Variants in WFDC9 observed in about 807,000 individuals in gnomAD.
WFDC9 encodes the protein WAP four-disulfide core domain 9.
A neutral mutation model predicts 9.5 loss-of-function variants in WFDC9; 9 were observed. The ratio of observed to expected loss-of-function variants is 0.95; its 90% CI spans 0.57 to 1.65. The LOEUF is 1.65. Among genes scored for constraint, WFDC9 ranks in the 40% most tolerant of loss-of-function variants. The pLI is 0.00. For synonymous variants in WFDC9, 33 were observed against 32.3 expected, an observed-to-expected ratio of 1.02 and a Z score of -0.07; for missense variants, 87 against 106.7, an observed-to-expected ratio of 0.82 and a Z score of 0.81.
chr20:45,624,283 C>T (rs896751993), intron 1 of WFDC9, among the ~76,000 whole-genome samples: 5 of 152,144 alleles, frequency 3.3e-5, no homozygotes, highest in African/African-American at 9.7e-5. Flanking sequence ...TCCATGAGGT[C>T]GACTTTTCTC....
intron 1 of WFDC9, among the ~76,000 whole-genome samples, chr20:45,623,666 T>C (rs1404578509): frequency 6.6e-6 from 1 of 152,166 alleles, no homozygotes; most frequent in Non-Finnish European, 1.5e-5. Context: ...GTAGTAATTT[T>C]ACATATTTAT....
At chr20:45,609,207 CTT>C (rs61409671) in intron 3 of WFDC9, among the ~76,000 whole-genome samples, 21 of 143,326 alleles carry the variant, frequency 1.5e-4, no homozygotes, top group Non-Finnish European at 1.8e-4. Context: ...TTCCCCTTCT[CTT>C]TTTTTTTTTT....
At chr20:45,612,179 C>T (rs905210409) in intron 2 of WFDC9, among the ~76,000 whole-genome samples, 34 of 152,066 alleles carry the variant, frequency 2.2e-4, no homozygotes, top group African/African-American at 8.0e-4. Flanking sequence ...TCAGAATATC[C>T]TCCTCTGGAT....
In WFDC9 at chr20:45,610,096, T is replaced by C. The variant is rs200482283; in HGVS notation, c.86A>G (p.Asp29Gly). 6.2e-7 allele frequency: 1 copy of C among 1,613,968 alleles called. No homozygotes were observed. The highest frequency in any genetic ancestry group is 2.2e-5 in the East Asian group (1 of 44,862). ...LPVLGSFWNK[D>G]PFLDMIRETE... Reference sequence around the variant, plus strand: ...TCCCTTTTCACACCACCCACAGGGATCTTTGTTCCAGAAGCTTCCCAGCAC... The same window carrying C: ...TCCCTTTTCACACCACCCACAGGGACCTTTGTTCCAGAAGCTTCCCAGCAC... The change falls in exon 3 of 5, where the codon GAT (aspartate) becomes GGT (glycine). Residue 29 changes from aspartate (D) to glycine (G), a missense_variant. Coordinates refer to ENST00000326000, the MANE Select transcript of WFDC9 (RefSeq NM_147198.4).
At chr20:45,628,201 T>G (rs1266783500) in intron 1 of WFDC9, among the ~76,000 whole-genome samples, 1 of 152,222 alleles carries the variant, frequency 6.6e-6, no homozygotes, top group Non-Finnish European at 1.5e-5. Context: ...TATTTCTTGC[T>G]CAAATAATAA....
intron 1 of WFDC9, among the ~76,000 whole-genome samples, chr20:45,620,157 C>T (rs1338144167): frequency 7.2e-5 from 11 of 152,046 alleles, no homozygotes; most frequent in Non-Finnish European, 1.5e-4. Flanking sequence ...TATTAAGTAG[C>T]GTTATTTGTT....
intron 1 of WFDC9, 177 bp downstream of exon 1, chr20:45,631,026 A>T (rs1471900169): frequency 6.3e-7 from 1 of 1,591,366 alleles, no homozygotes; most frequent in East Asian, 2.3e-5. Context: ...TGAGTGGGAG[A>T]GTGGGCTGGG....
intron 2 of WFDC9, among the ~76,000 whole-genome samples, chr20:45,610,567 C>T (rs1423185447): frequency 2.6e-5 from 4 of 152,108 alleles, no homozygotes; most frequent in African/African-American, 9.7e-5. Context: ...TATGTCTATA[C>T]TTTTATGTTG....
chr20:45,625,807 C>CTTCTTTTTTTTTTTTTTTTTTTTT (rs1982204690), intron 1 of WFDC9, among the ~76,000 whole-genome samples: 1 of 46,416 alleles, frequency 2.2e-5, no homozygotes, highest in African/African-American at 9.7e-5. Flanking sequence ...GTTCTCTATT[C>CTTCTTTTTTTTTTTTTTTTTTTTT]TTTTTTTTTT....
At chr20:45,618,879 G>A (rs1982030073) in intron 1 of WFDC9, among the ~76,000 whole-genome samples, 1 of 152,228 alleles carries the variant, frequency 6.6e-6, no homozygotes, top group Non-Finnish European at 1.5e-5. Context: ...TTTGCTCAAT[G>A]CAGGGTTGCT....
chr20:45,617,382 G>A (rs1194948829), intron 1 of WFDC9, among the ~76,000 whole-genome samples: 2 of 152,180 alleles, frequency 1.3e-5, no homozygotes, highest in Non-Finnish European at 2.9e-5. Flanking sequence ...TTGGACCCAG[G>A]TGGCAGAGGT....
At chr20:45,630,022 C>A in intron 1 of WFDC9, 1 of 1,401,842 alleles carries the variant, frequency 7.1e-7, no homozygotes, top group Non-Finnish European at 9.7e-7. Context: ...GCTCTGACCA[C>A]AATGTTGTGT....
chr20:45,610,276 T>C (rs1415870846), intron 2 of WFDC9, 37 bp from the exon 3 acceptor site: 26 of 1,070,336 alleles, frequency 2.4e-5, no homozygotes, highest in Non-Finnish European at 3.4e-5. Flanking sequence ...GAGAACAGGG[T>C]AAGCAACAGG....
chr20:45,630,971 A>C (rs537092750), intron 1 of WFDC9: 1 of 1,612,024 alleles, frequency 6.2e-7, no homozygotes, highest in South Asian at 1.1e-5. Context: ...AGCAAATAAC[A>C]TATGCTGTTC....
At chr20:45,621,871 C>T (rs1267990719) in intron 1 of WFDC9, among the ~76,000 whole-genome samples, 1 of 152,174 alleles carries the variant, frequency 6.6e-6, no homozygotes, top group African/African-American at 2.4e-5. Context: ...GCTTTGTAGT[C>T]TTTCACTGTA....
At chr20:45,623,283 A>G (rs569052525) in intron 1 of WFDC9, among the ~76,000 whole-genome samples, 1 of 152,320 alleles carries the variant, frequency 6.6e-6, no homozygotes, top group South Asian at 2.1e-4. Flanking sequence ...CAGATGGCAC[A>G]TCAAGCAACT....
intron 3 of WFDC9, among the ~76,000 whole-genome samples, chr20:45,609,208 T>TC (rs1021208200): frequency 7.7e-6 from 1 of 129,106 alleles, no homozygotes; most frequent in African/African-American, 3.6e-5. Context: ...TCCCCTTCTC[T>TC]TTTTTTTTTT....
intron 1 of WFDC9, among the ~76,000 whole-genome samples, chr20:45,626,159 GTT>G (rs3092740): frequency 0.32 from 48,254 of 151,632 alleles, 7,717 homozygotes; most frequent in Middle Eastern, 0.43. Context: ...CTACGTGTCT[GTT>G]TTTATGCCAG....
intron 3 of WFDC9, 92 bp from the exon 4 acceptor site, chr20:45,608,902 C>G: frequency 1.5e-6 from 2 of 1,359,994 alleles, no homozygotes; most frequent in South Asian, 3.1e-5. Context: ...AACTTGAGCT[C>G]CAAGCCACAA....
Sources: gnomAD v4.1 joint callset for allele counts (sites outside exome capture counted in the v4.1 genomes callset) on GRCh38, gnomAD v4.1.1 for gene constraint, MANE v1.5 for transcripts, NCBI Gene and HGNC (gene_info 2026-07-23, HGNC 2026-07-21) for gene names.